The following KNTC1 variants were observed in gnomAD, a reference collection of about 807,000 sequenced individuals.
KNTC1 encodes the protein kinetochore associated 1.
KNTC1 carries 253 observed loss-of-function variants against 314.4 expected under a neutral mutation model. The observed-to-expected ratio is 0.80, with a 90% CI of 0.73 to 0.89. The LOEUF (loss-of-function observed/expected upper bound fraction) is 0.89, where lower values mean the gene tolerates loss of function less well. Ranked by LOEUF, KNTC1 falls within the 40% of genes least tolerant of loss-of-function variation. KNTC1 has a pLI of 0.00. For synonymous variants in KNTC1, 901 were observed against 901.4 expected (o/e 1.00, Z 0.01); for missense variants, 2,475 against 2,572.9 (o/e 0.96, Z 0.82).
chr12:122,622,664 A>G (rs1487212201), intron 62 of KNTC1, 57 bp downstream of exon 62: 2 of 1,393,800 alleles, frequency 1.4e-6, no homozygotes, highest in African/African-American at 2.9e-5. Context: ...ATCTATCTTT[A>G]TAAGCTGGGC....
chr12:122,603,056 A>G lies in KNTC1; in HGVS notation c.4914A>G (p.Thr1638=). ...CTCTGGACACTCTGTACGTGTCTAC[A>G]GCAAAACACGTTTTCGAAAAAAAAC... ...KFSLDTLYVS[T]AKHVFEKKLK... is the part of the protein sequence containing the mutation. The change falls in exon 48 of 64, where the codon ACA becomes ACG. Residue 1638 remains threonine (T), a synonymous_variant. Transcript: ENST00000333479. The G allele has an allele frequency of 6.2e-7, 1 of 1,613,830 alleles. No homozygotes were observed. The highest frequency in any genetic ancestry group is 8.5e-7 in the Non-Finnish European group (1 of 1,179,814).
At chr12:122,580,208 T>C (rs1413846884) in intron 32 of KNTC1, among the ~76,000 whole-genome samples, 1 of 152,208 alleles carries the variant, frequency 6.6e-6, no homozygotes, top group Non-Finnish European at 1.5e-5. Flanking sequence ...TCACTTACTA[T>C]TTAGTGCTAG....
chr12:122,551,329 A>T lies in KNTC1; in HGVS notation c.1097A>T (p.Tyr366Phe), dbSNP rs375046231. The T allele has an allele frequency of 6.3e-7, 1 of 1,575,602 alleles. No individual in the cohort carries two copies. The highest frequency in any genetic ancestry group is 8.7e-7 in the Non-Finnish European group (1 of 1,150,330). The change falls in exon 14 of 64, where the codon TAC (tyrosine) becomes TTC (phenylalanine). Residue 366 changes from tyrosine (Y) to phenylalanine (F), a missense_variant. Tyr to Phe is a conservative substitution (Grantham distance 22). Transcript: ENST00000333479. ...VQTGISTDTI[Y>F]LLEGVCKNDP... ...TTTTTGTTATTGTAGGATACCATAT[A>T]CCTTTTAGAAGGAGTTTGCAAAAAT...
At position 122,602,717 on chromosome 12, in the gene KNTC1, C is replaced by T; in HGVS notation, c.4802C>T (p.Ala1601Val). 1 of 1,613,780 alleles carries T rather than the reference C, an allele frequency of 6.2e-7. No homozygotes were observed. The highest frequency in any genetic ancestry group is 8.5e-7 in the Non-Finnish European group (1 of 1,179,818). ...TTTCACCTGATATTCTTTGGCACAG[C>T]ACAGAACTTCTGGAAAATTCTCTGT... The part of the protein sequence containing the change: ...LPFHLIFFGT[A>V]QNFWKILSTE... Residue 1601 changes from alanine (A) to valine (V), a missense_variant, in exon 46 of 64, where the codon GCA becomes GTA. Transcript: ENST00000333479.
In KNTC1 at chr12:122,624,209, A is replaced by G. The variant is rs548824950; in HGVS notation, c.6516-389A>G. Among the ~76,000 whole-genome samples the G allele has an allele frequency of 2.6e-5, 4 of 152,344 alleles. No individual in the cohort carries two copies. In the South Asian group the frequency reaches 8.3e-4, roughly 32 times the overall value. On this transcript the variant is annotated intron_variant, in intron 62 of 63. Transcript: ENST00000333479. ...TTGGAATTATTTCTTCCCAAATAAA[A>G]CATTAAATTCAGAGATTGGTCTTTA...
chr12:122,577,684 C>T lies in KNTC1; in HGVS notation c.2734C>T (p.Leu912Phe), dbSNP rs1766204007. 2 of 1,613,318 alleles carry T rather than the reference C, an allele frequency of 1.2e-6. No individual in the cohort carries two copies. The highest frequency in any genetic ancestry group is 3.3e-5 in the Admixed American group (2 of 59,930). ...ACCCTGTTTATAGGGTGAAGACTGT[C>T]TCCTTCTGTTGAAGTCTTTGCCTCC... ...LIDREQGEDCLLLLKSLPPAE... is the reference protein window; with the variant it reads ...LIDREQGEDCFLLLKSLPPAE... Residue 912 changes from leucine to phenylalanine, a missense_variant, in exon 31 of 64, where the codon CTC becomes TTC. Leu to Phe is a conservative substitution (Grantham distance 22). Coordinates refer to ENST00000333479, the MANE Select transcript of KNTC1 (RefSeq NM_014708.6).
intron 2 of KNTC1, among the ~76,000 whole-genome samples, chr12:122,534,241 G>C (rs767629327): frequency 1.3e-5 from 2 of 152,234 alleles, no homozygotes; most frequent in African/African-American, 2.4e-5. Flanking sequence ...CCACTGGCTG[G>C]TGTGAAGTAG....
At chr12:122,575,774 G>A in intron 28 of KNTC1, 26 bp from the exon 29 acceptor site, 1 of 1,587,802 alleles carries the variant, frequency 6.3e-7, no homozygotes, top group East Asian at 2.2e-5. Flanking sequence ...GACAATCCAT[G>A]TTAATATGGG....
intron 1 of KNTC1, among the ~76,000 whole-genome samples, chr12:122,529,455 A>G (rs1013878991): frequency 2.6e-5 from 4 of 152,014 alleles, no homozygotes; most frequent in African/African-American, 9.7e-5. Context: ...TAAACCTCAT[A>G]AGGTTTCAAG....
chr12:122,558,630 G>A (rs974545995), intron 18 of KNTC1, among the ~76,000 whole-genome samples: 2 of 152,014 alleles, frequency 1.3e-5, no homozygotes, highest in Non-Finnish European at 2.9e-5. Flanking sequence ...TGTAGTCCCA[G>A]TACTTAGGGA....
chr12:122,624,748 T>C (rs768577592), intron 63 of KNTC1, 60 bp downstream of exon 63: 1 of 1,169,178 alleles, frequency 8.6e-7, no homozygotes, highest in Non-Finnish European at 1.3e-6. Flanking sequence ...CCTAGGGCCT[T>C]AAAATTGACA....
At chr12:122,551,416 A>G (rs760460226) in intron 14 of KNTC1, 42 bp from the exon 15 acceptor site, 13 of 1,558,150 alleles carry the variant, frequency 8.3e-6, no homozygotes, top group Non-Finnish European at 1.1e-5. Context: ...TTACGTATTA[A>G]TATTAAAAGA....
At position 122,624,659 on chromosome 12, in the gene KNTC1, C is replaced by G. The variant is rs757783372; in HGVS notation, c.6577C>G (p.Pro2193Ala). Residue 2193 changes from proline (P) to alanine (A), a missense_variant, in exon 63 of 64, where the codon CCA becomes GCA. Pro to Ala is a conservative substitution (Grantham distance 27). Coordinates refer to ENST00000333479, the MANE Select transcript of KNTC1 (RefSeq NM_014708.6). Reference sequence around the variant, plus strand: ...AAAGCACTGCGGGAAACCTGTGCCTCCAGACACTGCTCCCTGTGAAATTCT... The same window carrying G: ...AAAGCACTGCGGGAAACCTGTGCCTGCAGACACTGCTCCCTGTGAAATTCT... ...YSKHCGKPVPPDTAPCEILKM... is the reference protein window; with the variant it reads ...YSKHCGKPVPADTAPCEILKM... The G allele has an allele frequency of 5.6e-6, 9 of 1,613,150 alleles. No individual in the cohort carries two copies. The highest frequency in any genetic ancestry group is 7.6e-6 in the Non-Finnish European group (9 of 1,179,276).
chr12:122,582,982 G>T lies in KNTC1; in HGVS notation c.3260G>T (p.Cys1087Phe), dbSNP rs753334234. ...DGNIKTALKKCSDLFKYHCNA... is the reference protein window; with the variant it reads ...DGNIKTALKKFSDLFKYHCNA... ...AACATCAAAACAGCACTGAAAAAAT[G>T]CAGGTGACATTCCAGATCCCTGAAT... The change falls in exon 34 of 64, where the codon TGC (cysteine) becomes TTC (phenylalanine). Residue 1087 changes from cysteine (C) to phenylalanine (F), a missense_variant. Physicochemically the swap from Cys to Phe is radical, Grantham distance 205. Coordinates refer to ENST00000333479, the MANE Select transcript of KNTC1 (RefSeq NM_014708.6). 1.2e-6 allele frequency: 2 copies of T among 1,604,034 alleles called. No homozygotes were observed. The highest frequency in any genetic ancestry group is 1.1e-5 in the South Asian group (1 of 90,502).
In KNTC1 at chr12:122,622,468, A is replaced by C. The variant is rs1248061743; in HGVS notation, c.6376A>C (p.Ser2126Arg). The change falls in exon 62 of 64, where the codon AGT becomes CGT. Residue 2126 changes from serine to arginine, a missense_variant. Coordinates refer to ENST00000333479, the MANE Select transcript of KNTC1 (RefSeq NM_014708.6). ...QLAGFSHQIR[S>R]LILNNIINKK... ...GATACCTGTCATTCTATAGATTAGA[A>C]GTCTGATTTTGAATAATATCATCAA... is the stretch of plus-strand genomic sequence containing the variant. 1.3e-6 allele frequency: 2 copies of C among 1,573,338 alleles called. No homozygotes were observed. Among genetic ancestry groups the C allele is most frequent in the East Asian group, 2.3e-5 (1 of 44,322 alleles).
chr12:122,530,133 AAAG>A lies in KNTC1; in HGVS notation c.73_75del (p.Glu25del). The A allele has an allele frequency of 6.2e-7, 1 of 1,613,806 alleles. No individual in the cohort carries two copies. The stretch of plus-strand genomic sequence containing the variant: ...TGGGTACCTGAGTGTCGGTTCAAGA[AAAG>A]AACATGGAACTGCTTTATATCAAGT... On this transcript the variant is annotated inframe_deletion, in exon 2 of 64. Transcript: ENST00000333479.
rs1167662017 is a variant in KNTC1, at chr12:122,542,071, T to G, written c.467T>G (p.Leu156Arg). ...ATAGGTACCTATTATATGCTACTTCTTACATACAGTGGATTTTTTTGTATT... is the reference window on the plus strand; with the variant it reads ...ATAGGTACCTATTATATGCTACTTCGTACATACAGTGGATTTTTTTGTATT... ...SNEGTYYMLL[L>R]TYSGFFCITN... The change falls in exon 6 of 64, where the codon CTT becomes CGT. Residue 156 changes from leucine (L) to arginine (R), a missense_variant. Transcript: ENST00000333479. The G allele has an allele frequency of 3.9e-6, 6 of 1,547,450 alleles. No homozygotes were observed. The highest frequency in any genetic ancestry group is 5.3e-6 in the Non-Finnish European group (6 of 1,137,270).
chr12:122,586,982 TTC>T (rs1869436450), intron 38 of KNTC1, among the ~76,000 whole-genome samples: 1 of 151,480 alleles, frequency 6.6e-6, no homozygotes, highest in Non-Finnish European at 1.5e-5. Context: ...GCCGAGCTAG[TTC>T]TTTTGTATTT....
chr12:122,554,970 G>A (rs1038419078), intron 16 of KNTC1, among the ~76,000 whole-genome samples: 1 of 152,108 alleles, frequency 6.6e-6, no homozygotes, highest in African/African-American at 2.4e-5. Flanking sequence ...GCTTGAGCCC[G>A]GGAGTTCCAG....
Sources: gnomAD v4.1 joint callset for allele counts (sites outside exome capture counted in the v4.1 genomes callset) on GRCh38, gnomAD v4.1.1 for gene constraint, MANE v1.5 for transcripts, NCBI Gene and HGNC (gene_info 2026-07-23, HGNC 2026-07-21) for gene names.